The following ERC2 variants were observed in gnomAD, a reference collection of about 807,000 sequenced individuals.
The protein encoded by ERC2 is ELKS/RAB6-interacting/CAST family member 2.
In ERC2, 42 loss-of-function variants were observed where a neutral mutation model predicts 114.8. That is an observed-to-expected ratio of 0.37 (90% CI 0.29 to 0.47). The LOEUF (loss-of-function observed/expected upper bound fraction) is 0.47, where lower values mean the gene tolerates loss of function less well. Ranked by LOEUF, ERC2 falls within the 20% of genes least tolerant of loss-of-function variation. The pLI, the probability that ERC2 is intolerant of heterozygous loss-of-function variation, is 0.99. For missense variants in ERC2, 939 were observed against 1,150.7 expected (o/e 0.82, Z 2.66); for synonymous variants, 454 against 425.5 (o/e 1.07, Z -0.82).
intron 2 of ERC2, among the ~76,000 whole-genome samples, chr3:56,423,529 T>G (rs962766666): frequency 6.6e-6 from 1 of 152,232 alleles, no homozygotes; most frequent in African/African-American, 2.4e-5. Flanking sequence ...CAAGTTAACT[T>G]TATCAACGTA....
chr3:55,538,512 G>A (rs1410120902), intron 17 of ERC2, among the ~76,000 whole-genome samples: 2 of 152,222 alleles, frequency 1.3e-5, no homozygotes, highest in African/African-American at 4.8e-5. Context: ...ATGGCTGTGT[G>A]AGCAAAGCTG....
chr3:55,878,406 A>C (rs1295477931), intron 14 of ERC2, among the ~76,000 whole-genome samples: 1 of 152,052 alleles, frequency 6.6e-6, no homozygotes, highest in Non-Finnish European at 1.5e-5. Context: ...CCTTCCTCCC[A>C]CCATCTCCCC....
intron 7 of ERC2, among the ~76,000 whole-genome samples, chr3:56,065,358 A>G (rs2076422332): frequency 6.6e-6 from 1 of 151,756 alleles, no homozygotes; most frequent in South Asian, 2.1e-4. Context: ...GAACAGGTGG[A>G]ACTACAGGCA....
intron 12 of ERC2, among the ~76,000 whole-genome samples, chr3:55,979,337 G>A (rs1028360808): frequency 1.7e-4 from 26 of 152,188 alleles, no homozygotes; most frequent in African/African-American, 6.3e-4. Context: ...TGGTGGTTAT[G>A]TTCTCAAAAC....
intron 14 of ERC2, among the ~76,000 whole-genome samples, chr3:55,845,461 G>A (rs1349517554): frequency 8.0e-6 from 1 of 125,564 alleles, no homozygotes; most frequent in Non-Finnish European, 1.6e-5. Flanking sequence ...CCGAGATCCC[G>A]CCACTGCACT....
chr3:55,872,402 A>G (rs1457505822), intron 14 of ERC2, among the ~76,000 whole-genome samples: 1 of 152,222 alleles, frequency 6.6e-6, no homozygotes, highest in African/African-American at 2.4e-5. Context: ...ATTCTTAATT[A>G]ACCAAAATTA....
intron 2 of ERC2, among the ~76,000 whole-genome samples, chr3:56,372,876 C>A (rs1323379208): frequency 6.6e-6 from 1 of 152,210 alleles, no homozygotes; most frequent in African/African-American, 2.4e-5. Context: ...TGACTGACCA[C>A]CTAACTAAGC....
intron 15 of ERC2, among the ~76,000 whole-genome samples, chr3:55,710,162 T>C (rs1285209691): frequency 1.3e-5 from 2 of 151,978 alleles, no homozygotes; most frequent in African/African-American, 4.8e-5. Flanking sequence ...CTAACTAGGG[T>C]CGATTTAGTT....
At chr3:56,029,897 T>C (rs964067744) in intron 7 of ERC2, among the ~76,000 whole-genome samples, 1 of 152,114 alleles carries the variant, frequency 6.6e-6, no homozygotes, top group African/African-American at 2.4e-5. Context: ...GTTATTGAGG[T>C]AGGAACTTGG....
intron 17 of ERC2, chr3:55,610,548 CA>C (rs3221356): frequency 6.6e-6 from 1 of 152,166 alleles, no homozygotes; most frequent in Admixed American, 6.6e-5. Context: ...CACACACACA[CA>C]AAGTAGCCAG....
intron 14 of ERC2, among the ~76,000 whole-genome samples, chr3:55,859,550 G>C (rs1053049775): frequency 6.6e-6 from 1 of 152,054 alleles, no homozygotes; most frequent in Non-Finnish European, 1.5e-5. Flanking sequence ...TGATGCATTG[G>C]CTCAGGAAAA....
At chr3:55,784,529 A>G (rs1275436118) in intron 14 of ERC2, among the ~76,000 whole-genome samples, 1 of 152,176 alleles carries the variant, frequency 6.6e-6, no homozygotes, top group Non-Finnish European at 1.5e-5. Flanking sequence ...GGAGCTCATA[A>G]ATTATGCCTG....
intron 2 of ERC2, among the ~76,000 whole-genome samples, chr3:56,397,055 C>T (rs2060335595): frequency 6.6e-6 from 1 of 152,220 alleles, no homozygotes; most frequent in Admixed American, 6.5e-5. Context: ...GTTATCTCCA[C>T]AGCCCAAAGG....
chr3:55,688,142 C>T (rs2062434307), intron 16 of ERC2, among the ~76,000 whole-genome samples: 1 of 152,194 alleles, frequency 6.6e-6, no homozygotes, highest in Non-Finnish European at 1.5e-5. Flanking sequence ...CCCGCCAAAA[C>T]AGGAAAGTCC....
chr3:55,727,592 T>C (rs945241057), intron 15 of ERC2, among the ~76,000 whole-genome samples: 1 of 152,176 alleles, frequency 6.6e-6, no homozygotes, highest in East Asian at 1.9e-4. Context: ...TTAAGCACAA[T>C]TGGAATTTCT....
intron 12 of ERC2, among the ~76,000 whole-genome samples, chr3:55,973,787 T>TC (rs1553758098): frequency 6.6e-6 from 1 of 152,190 alleles, no homozygotes; most frequent in Non-Finnish European, 1.5e-5. Context: ...GAATTATTTT[T>TC]CCCCCAAATT....
chr3:56,264,203 A>T (rs2053137672), intron 3 of ERC2, among the ~76,000 whole-genome samples: 1 of 152,190 alleles, frequency 6.6e-6, no homozygotes, highest in East Asian at 1.9e-4. Flanking sequence ...TATCATACTC[A>T]ATGGGGAAAA....
chr3:55,850,189 G>A (rs1357063609), intron 14 of ERC2, among the ~76,000 whole-genome samples: 1 of 152,150 alleles, frequency 6.6e-6, no homozygotes, highest in Non-Finnish European at 1.5e-5. Context: ...TGTCTCATAA[G>A]AACATCTGTC....
In ERC2 at chr3:56,007,271, C is replaced by T. The variant is rs1452308524; in HGVS notation, c.1971G>A (p.Gly657=). The T allele has an allele frequency of 6.3e-7, 1 of 1,596,178 alleles. No individual in the cohort carries two copies. The highest frequency in any genetic ancestry group is 8.5e-7 in the Non-Finnish European group (1 of 1,170,434). ...ATTTTAATTTGGAATCCCTTTTCAG[C>T]CCCGCAGAGGCTAATGAAGATGCAT... ...KEHASSLASA[G]LKRDSKLKSL... is the part of the protein sequence containing the mutation. The change falls in exon 10 of 18, where the codon GGG becomes GGA. Residue 657 remains glycine, a synonymous_variant. Transcript: ENST00000288221.
Sources: allele counts gnomAD v4.1 joint callset (sites outside exome capture counted in the v4.1 genomes callset), GRCh38; gene constraint gnomAD v4.1.1; transcripts MANE v1.5; gene names NCBI Gene and HGNC (gene_info 2026-07-23, HGNC 2026-07-21).